The following IPMK variants were observed in gnomAD, a reference collection of about 807,000 sequenced individuals.
The protein encoded by IPMK is inositol 1,3,4,6-tetrakisphosphate 5-kinase.
Under a neutral mutation model 45.8 loss-of-function variants are expected in IPMK, and 17 were observed. The ratio of observed to expected loss-of-function variants is 0.37; its 90% CI spans 0.25 to 0.56. The LOEUF is 0.56. Among genes scored for constraint, IPMK ranks in the 20% least tolerant of loss-of-function variants. The probability of loss-of-function intolerance (pLI) is 0.79; values close to 1 mark genes in which losing one functional copy is unlikely to be tolerated. For synonymous variants in IPMK, 180 were observed against 184.3 expected, an observed-to-expected ratio of 0.98 and a Z score of 0.19; for missense variants, 399 against 498.0, an observed-to-expected ratio of 0.80 and a Z score of 1.89.
In IPMK at chr10:58,247,964, T is replaced by C. The variant is rs546694658; in HGVS notation, c.191-10150A>G. On this transcript the variant is annotated intron_variant, in intron 1 of 5. Coordinates refer to ENST00000373935, the MANE Select transcript of IPMK (RefSeq NM_152230.5). ...CACAGCTTGCTCCACAGCTACAGAC[T>C]TTTTCCTTTATGTATGTGTTGCCCC... Among the ~76,000 whole-genome samples, 5 of 152,268 alleles carry C rather than the reference T, an allele frequency of 3.3e-5. No homozygotes were observed. The South Asian group carries it at 1.0e-3, about 32-fold the overall frequency.
At chr10:58,237,433 C>G (rs1315898381) in intron 2 of IPMK, among the ~76,000 whole-genome samples, 1 of 152,204 alleles carries the variant, frequency 6.6e-6, no homozygotes, top group Non-Finnish European at 1.5e-5. Context: ...ACCAACAGAG[C>G]ATACCATTTG....
Position 58,196,561 on chromosome 10 carries a change from C to T in IPMK, c.766G>A (p.Val256Ile). The T allele has an allele frequency of 1.2e-6, 2 of 1,614,050 alleles. No individual in the cohort carries two copies. The highest frequency in any genetic ancestry group is 1.7e-6 in the Non-Finnish European group (2 of 1,180,030). The change falls in exon 6 of 6, where the codon GTT becomes ATT. Residue 256 changes from valine to isoleucine, a missense_variant. By Grantham distance (29) the Val-to-Ile change is conservative (BLOSUM62 3). This residue lies in a region of IPMK where 288 missense variants were observed against 398.0 expected (regional missense o/e 0.72). Coordinates refer to ENST00000373935, the MANE Select transcript of IPMK (RefSeq NM_152230.5). ...LNFYASSLLF[V>I]YEGSSQPTTT... ...GTTGGCTGAGATGAACCTTCATAAA[C>T]AAAGAGTAATGAACTTGCGTAAAAA...
intron 3 of IPMK, among the ~76,000 whole-genome samples, chr10:58,224,601 A>G (rs1480507048): frequency 6.6e-6 from 1 of 152,216 alleles, no homozygotes; most frequent in African/African-American, 2.4e-5. Context: ...TTAAAAGAAA[A>G]AACCTCATTG....
chr10:58,208,695 C>A (rs1356577634), intron 4 of IPMK, among the ~76,000 whole-genome samples: 1 of 152,140 alleles, frequency 6.6e-6, no homozygotes, highest in Non-Finnish European at 1.5e-5. Context: ...TTCACTGTCT[C>A]CTATAGAGTT....
chr10:58,254,038 TG>T (rs1272274796), intron 1 of IPMK, among the ~76,000 whole-genome samples: 1 of 152,192 alleles, frequency 6.6e-6, no homozygotes, highest in Non-Finnish European at 1.5e-5. Context: ...TGAATTTGAA[TG>T]GTAATCTTTG....
At chr10:58,241,553 C>T (rs1838697371) in intron 1 of IPMK, among the ~76,000 whole-genome samples, 5 of 152,144 alleles carry the variant, frequency 3.3e-5, no homozygotes, top group Admixed American at 3.3e-4. Flanking sequence ...GTTTGCATAA[C>T]AAAATGCCAT....
intron 1 of IPMK, among the ~76,000 whole-genome samples, chr10:58,247,727 GCAC>G (rs1449595283): frequency 6.6e-6 from 1 of 152,106 alleles, no homozygotes; most frequent in African/African-American, 2.4e-5. Context: ...AGTGAGTGCA[GCAC>G]AACAGCATGG....
At chr10:58,219,980 A>G (rs1250995133) in intron 3 of IPMK, among the ~76,000 whole-genome samples, 1 of 152,188 alleles carries the variant, frequency 6.6e-6, no homozygotes, top group Non-Finnish European at 1.5e-5. Context: ...CAGCTCAAGA[A>G]CTATCCTCAG....
chr10:58,211,922 A>AAAAAAAAAAAAAAAAAAAAAAAAAAAC (rs1838171247), intron 4 of IPMK, among the ~76,000 whole-genome samples: 2 of 150,996 alleles, frequency 1.3e-5, no homozygotes, highest in African/African-American at 2.4e-5. Context: ...AAAAAAAAAA[A>AAAAAAAAAAAAAAAAAAAAAAAAAAAC]AAATTTGTTT....
At chr10:58,220,226 A>G (rs1458852897) in intron 3 of IPMK, among the ~76,000 whole-genome samples, 1 of 152,084 alleles carries the variant, frequency 6.6e-6, no homozygotes, top group African/African-American at 2.4e-5. Context: ...GGCAGAGGAG[A>G]GAAGAGGAAG....
In IPMK at chr10:58,191,856, AC is replaced by A. The variant is rs1331966857; in HGVS notation, c.*4219del. On this transcript the variant is annotated 3_prime_UTR_variant, in exon 6 of 6. Coordinates refer to ENST00000373935, the MANE Select transcript of IPMK (RefSeq NM_152230.5). ...CACATGCTTTCATAAATCTTCCAGTACAGTTCCCATAGTAAAGTGTCTTTGT... is the reference window on the plus strand; with the variant it reads ...CACATGCTTTCATAAATCTTCCAGTAAGTTCCCATAGTAAAGTGTCTTTGT... The A allele has an allele frequency of 5.9e-5, 9 of 152,110 alleles. No individual in the cohort carries two copies. Among genetic ancestry groups the A allele is most frequent in the Admixed American group, 5.9e-4 (9 of 15,270 alleles). The allele number at this position is 152,110 out of a possible 1,614,324, so 9.4% of individuals were successfully genotyped here.
chr10:58,205,841 A>T (rs540638030), intron 4 of IPMK, among the ~76,000 whole-genome samples: 8 of 152,358 alleles, frequency 5.3e-5, no homozygotes, highest in Middle Eastern at 3.4e-3. Flanking sequence ...ATAATTTTTT[A>T]AAAAATTAAA....
chr10:58,235,329 G>A (rs1683606110), intron 2 of IPMK, among the ~76,000 whole-genome samples: 1 of 152,100 alleles, frequency 6.6e-6, no homozygotes, highest in Non-Finnish European at 1.5e-5. Flanking sequence ...TATACCCAAA[G>A]GATTATAAAT....
At position 58,208,803 on chromosome 10, in the gene IPMK, CATAGAGGG is replaced by C. The variant is rs566559368; in HGVS notation, c.546+7334_546+7341del. Among the ~76,000 whole-genome samples, 402 of 152,290 alleles carry C rather than the reference CATAGAGGG, an allele frequency of 2.6e-3. 4 individuals carry two copies. Among genetic ancestry groups the C allele is most frequent in the Non-Finnish European group, 3.5e-3 (237 of 68,030 alleles). On this transcript the variant is annotated intron_variant, in intron 4 of 5. Coordinates refer to ENST00000373935, the MANE Select transcript of IPMK (RefSeq NM_152230.5). ...AAGTTGATGATTCCGGCTTCAGGCCCATAGAGGGGGTATCCCTGCATAGGCAGCAGATG... is the reference window on the plus strand; with the variant it reads ...AAGTTGATGATTCCGGCTTCAGGCCCGGTATCCCTGCATAGGCAGCAGATG...
At chr10:58,253,377 T>A (rs2790212) in intron 1 of IPMK, among the ~76,000 whole-genome samples, 51,464 of 152,044 alleles carry the variant, frequency 0.34, 10,959 homozygotes, top group African/African-American at 0.61. Flanking sequence ...GGCATTGATG[T>A]ATTCCCTCAA....
chr10:58,207,588 T>C (rs1049688827), intron 4 of IPMK, among the ~76,000 whole-genome samples: 3 of 152,188 alleles, frequency 2.0e-5, no homozygotes, highest in Non-Finnish European at 4.4e-5. Context: ...CATTGTTTCT[T>C]TGTTGACTTT....
At chr10:58,211,207 T>A (rs919670155) in intron 4 of IPMK, among the ~76,000 whole-genome samples, 40 of 151,326 alleles carry the variant, frequency 2.6e-4, no homozygotes, top group Non-Finnish European at 4.3e-4. Flanking sequence ...TTTTTTTTTT[T>A]ATGAGACAGA....
chr10:58,250,853 A>C (rs1838870883), intron 1 of IPMK, among the ~76,000 whole-genome samples: 1 of 152,206 alleles, frequency 6.6e-6, no homozygotes, highest in South Asian at 2.1e-4. Context: ...TGTTCCTTCT[A>C]TACACAGTTT....
intron 1 of IPMK, among the ~76,000 whole-genome samples, chr10:58,258,923 G>C (rs1213822407): frequency 6.6e-6 from 1 of 152,104 alleles, no homozygotes. Flanking sequence ...GATGGTTCTG[G>C]GAAAATAAGT....
Sources: gnomAD v4.1 joint callset for allele counts (sites outside exome capture counted in the v4.1 genomes callset) on GRCh38, gnomAD v4.1.1 for gene constraint, gnomAD v4.1.1 regional missense constraint, MANE v1.5 for transcripts, NCBI Gene and HGNC (gene_info 2026-07-23, HGNC 2026-07-21) for gene names.